Variants in ITPR1 observed in about 807,000 individuals in gnomAD.
The protein encoded by ITPR1 is inositol 1,4,5-trisphosphate receptor type 1, also known as inositol 1,4,5-trisphosphate-gated calcium channel ITPR1.
In ITPR1, 96 loss-of-function variants were observed where a neutral mutation model predicts 318.4. The ratio of observed to expected loss-of-function variants is 0.30; its 90% confidence interval spans 0.26 to 0.36. The LOEUF is 0.36. Among genes scored for constraint, ITPR1 ranks in the 10% least tolerant of loss-of-function variants. The pLI is 1.00. For synonymous variants in ITPR1, 1,312 were observed against 1,289.9 expected, an observed-to-expected ratio of 1.02 and a Z score of -0.37; for missense variants, 2,440 against 3,460.2, an observed-to-expected ratio of 0.71 and a Z score of 7.40.
At chr3:4,624,274 G>T (rs956543947) in intron 4 of ITPR1, among the ~76,000 whole-genome samples, 1 of 152,176 alleles carries the variant, frequency 6.6e-6, no homozygotes, top group East Asian at 1.9e-4. Context: ...TAAGTCATGT[G>T]TCAAATGTTA....
chr3:4,535,470 T>C (rs2083780248), intron 4 of ITPR1, among the ~76,000 whole-genome samples: 1 of 118,316 alleles, frequency 8.5e-6, no homozygotes, highest in South Asian at 2.7e-4. Flanking sequence ...TGAGACGGAG[T>C]CTTGCTCTGT....
intron 42 of ITPR1, among the ~76,000 whole-genome samples, chr3:4,730,077 C>G (rs1475431647): frequency 6.6e-6 from 1 of 151,870 alleles, no homozygotes; most frequent in Non-Finnish European, 1.5e-5. Context: ...CTGGCTCAAA[C>G]AGAATTTTCC....
intron 4 of ITPR1, among the ~76,000 whole-genome samples, chr3:4,606,657 T>G (rs1575692254): frequency 1.3e-5 from 2 of 152,136 alleles, no homozygotes; most frequent in African/African-American, 2.4e-5. Context: ...ATTCGTCTCA[T>G]GCTCAGCCTC....
intron 37 of ITPR1, among the ~76,000 whole-genome samples, chr3:4,709,752 T>C (rs1465662034): frequency 6.6e-6 from 1 of 152,260 alleles, no homozygotes; most frequent in Non-Finnish European, 1.5e-5. Context: ...AGCATGTTGA[T>C]ACAGCATGTT....
Position 4,814,484 on chromosome 3 carries a change from G to C in ITPR1, c.7623G>C (p.Met2541Ile). The C allele has an allele frequency of 6.2e-7, 1 of 1,613,628 alleles. No individual in the cohort carries two copies. Among genetic ancestry groups the C allele is most frequent in the Non-Finnish European group, 8.5e-7 (1 of 1,179,720 alleles). ...AGCACACATGTGAGACGCTGCTGATGTGCATTGTCACTGTGCTGAGTCACG... is the reference window on the plus strand; with the variant it reads ...AGCACACATGTGAGACGCTGCTGATCTGCATTGTCACTGTGCTGAGTCACG... ...DKEHTCETLLMCIVTVLSHGL... is the reference protein window; with the variant it reads ...DKEHTCETLLICIVTVLSHGL... Residue 2541 changes from methionine (M) to isoleucine (I), a missense_variant, in exon 58 of 62, where the codon ATG becomes ATC. By Grantham distance (10) the Met-to-Ile change is conservative (BLOSUM62 1). Transcript: ENST00000649015.
At chr3:4,624,265 A>G (rs1445899344) in intron 4 of ITPR1, among the ~76,000 whole-genome samples, 1 of 152,230 alleles carries the variant, frequency 6.6e-6, no homozygotes, top group Non-Finnish European at 1.5e-5. Flanking sequence ...TCCATAAAGT[A>G]AGTCATGTGT....
At chr3:4,643,593 T>C (rs1197682979) in intron 7 of ITPR1, among the ~76,000 whole-genome samples, 1 of 49,742 alleles carries the variant, frequency 2.0e-5, no homozygotes, top group African/African-American at 4.7e-5. Context: ...TAAGTATTGT[T>C]TTTTTGGGGG....
intron 4 of ITPR1, among the ~76,000 whole-genome samples, chr3:4,597,466 G>C (rs1294587345): frequency 6.6e-6 from 1 of 152,150 alleles, no homozygotes; most frequent in Non-Finnish European, 1.5e-5. Flanking sequence ...GTAAGGAAAT[G>C]ACACAGTAAT....
chr3:4,698,596 G>C (rs2094595522), intron 34 of ITPR1, among the ~76,000 whole-genome samples: 1 of 152,156 alleles, frequency 6.6e-6, no homozygotes, highest in African/African-American at 2.4e-5. Flanking sequence ...ATGGCAAGCA[G>C]ATTTGGCTGT....
intron 4 of ITPR1, among the ~76,000 whole-genome samples, chr3:4,525,869 T>C: frequency 6.6e-6 from 1 of 152,190 alleles, no homozygotes; most frequent in East Asian, 1.9e-4. Context: ...CCCCCGGTGC[T>C]AAATATAAAG....
At chr3:4,527,480 T>G (rs923471720) in intron 4 of ITPR1, among the ~76,000 whole-genome samples, 2 of 152,158 alleles carry the variant, frequency 1.3e-5, no homozygotes, top group African/African-American at 4.8e-5. Flanking sequence ...CTGCCACACT[T>G]AATGCACTTT....
chr3:4,789,929 C>G (rs1273105503), intron 52 of ITPR1, among the ~76,000 whole-genome samples: 1 of 152,156 alleles, frequency 6.6e-6, no homozygotes, highest in Non-Finnish European at 1.5e-5. Flanking sequence ...ATCCTGAGTT[C>G]TTGTATCCAA....
At chr3:4,786,729 T>G (rs2633716) in intron 51 of ITPR1, among the ~76,000 whole-genome samples, 142,385 of 152,242 alleles carry the variant, frequency 0.94, 66,860 homozygotes, top group East Asian at 1. Context: ...GTCTAGGAAG[T>G]GCATGGAGGA....
chr3:4,632,070 C>T (rs542666962), intron 5 of ITPR1, among the ~76,000 whole-genome samples: 1 of 152,236 alleles, frequency 6.6e-6, no homozygotes, highest in Non-Finnish European at 1.5e-5. Context: ...GCATCCCTAG[C>T]TCCTGTCCAC....
intron 5 of ITPR1, among the ~76,000 whole-genome samples, chr3:4,637,072 T>G (rs2093212669): frequency 6.6e-6 from 1 of 152,256 alleles, no homozygotes. Context: ...ATGAGCTCTT[T>G]GATCATTTGA....
chr3:4,606,643 A>C (rs2091725712), intron 4 of ITPR1, among the ~76,000 whole-genome samples: 1 of 152,112 alleles, frequency 6.6e-6, no homozygotes, highest in African/African-American at 2.4e-5. Flanking sequence ...AATGTTAATT[A>C]TGTATTCGTC....
chr3:4,839,267 T>C (rs113503487), intron 61 of ITPR1, among the ~76,000 whole-genome samples: 2 of 151,198 alleles, frequency 1.3e-5, no homozygotes, highest in East Asian at 1.9e-4. Flanking sequence ...GCGGAGGTTG[T>C]GGTGAGCCGA....
At chr3:4,778,367 A>G (rs1425665892) in intron 48 of ITPR1, among the ~76,000 whole-genome samples, 1 of 152,200 alleles carries the variant, frequency 6.6e-6, no homozygotes, top group Non-Finnish European at 1.5e-5. Context: ...GCACTTCATC[A>G]TTATCATGAA....
chr3:4,812,263 C>T (rs141895609), intron 56 of ITPR1, among the ~76,000 whole-genome samples: 63 of 152,238 alleles, frequency 4.1e-4, no homozygotes, highest in African/African-American at 1.4e-3. Flanking sequence ...GTCTCGAACT[C>T]CTGGGCTCAG....
Sources: gnomAD v4.1 joint callset for allele counts (sites outside exome capture counted in the v4.1 genomes callset) on GRCh38, gnomAD v4.1.1 for gene constraint, MANE v1.5 for transcripts, NCBI Gene and HGNC (gene_info 2026-07-23, HGNC 2026-07-21) for gene names.